The following CRB1 variants were observed in gnomAD, a reference collection of about 807,000 sequenced individuals.
The protein encoded by CRB1 is protein crumbs homolog 1.
In CRB1, 83 loss-of-function variants were observed where a neutral mutation model predicts 120.0. The observed-to-expected ratio is 0.69, with a 90% CI of 0.58 to 0.83. The LOEUF (loss-of-function observed/expected upper bound fraction) is 0.83. Among genes scored for constraint, CRB1 ranks in the 40% least tolerant of loss-of-function variants. The pLI is 0.00. For missense variants in CRB1, 1,699 were observed against 1,687.6 expected (o/e 1.01, Z -0.12); for synonymous variants, 625 against 612.5 (o/e 1.02, Z -0.30).
chr1:197,477,664 TTGGCAGA>T lies in CRB1; in HGVS notation c.4009_4015del (p.Ala1337ThrfsTer2). The stretch of plus-strand genomic sequence containing the variant: ...ATCCCAATGATTTCAATCTTTCCAG[TTGGCAGA>T]TGACTTGATCTCCGACATTTTCACC... On this transcript the variant is annotated frameshift_variant and splice_region_variant, in exon 12 of 12. Transcript: ENST00000367400. LOFTEE classifies it low-confidence loss of function (END_TRUNC). 4 of 1,613,526 alleles carry T rather than the reference TTGGCAGA, an allele frequency of 2.5e-6. No homozygotes were observed. The highest frequency in any genetic ancestry group is 3.4e-6 in the Non-Finnish European group (4 of 1,179,512).
At chr1:197,397,136 A>T (rs967985773) in intron 5 of CRB1, among the ~76,000 whole-genome samples, 2 of 152,154 alleles carry the variant, frequency 1.3e-5, no homozygotes, top group African/African-American at 4.8e-5. Flanking sequence ...AATTTAAATA[A>T]ATACTTCATC....
intron 2 of CRB1, among the ~76,000 whole-genome samples, chr1:197,330,760 C>A (rs1658802841): frequency 6.7e-6 from 1 of 150,198 alleles, no homozygotes; most frequent in African/African-American, 2.5e-5. Flanking sequence ...CCCTATAATT[C>A]TTTCCTATTT....
intron 2 of CRB1, among the ~76,000 whole-genome samples, chr1:197,342,884 GT>G (rs1346770512): frequency 1.3e-5 from 2 of 152,130 alleles, no homozygotes; most frequent in Admixed American, 6.5e-5. Context: ...AAAAATTTAT[GT>G]TCTTTCCACT....
At chr1:197,442,501 G>T in intron 11 of CRB1, 1 of 1,471,818 alleles carries the variant, frequency 6.8e-7, no homozygotes, top group Non-Finnish European at 8.9e-7. Flanking sequence ...CTCTGGGGAA[G>T]AAAAAGGAAA....
At chr1:197,279,248 A>G (rs575005508) in intron 1 of CRB1, among the ~76,000 whole-genome samples, 60 of 151,970 alleles carry the variant, frequency 3.9e-4, no homozygotes, top group African/African-American at 1.2e-3. Context: ...GAGAGGAAAA[A>G]TGAAATGTAA....
At chr1:197,387,917 T>C (rs1391977185) in intron 5 of CRB1, among the ~76,000 whole-genome samples, 1 of 151,910 alleles carries the variant, frequency 6.6e-6, no homozygotes, top group Non-Finnish European at 1.5e-5. Context: ...TCTTCTTTTT[T>C]CCCCAACCTC....
chr1:197,220,994 G>A, the CRB1 span, among the ~76,000 whole-genome samples: 1 of 152,136 alleles, frequency 6.6e-6, no homozygotes, highest in Non-Finnish European at 1.5e-5. Flanking sequence ...TGTGAGAACA[G>A]ACTAATACAA....
chr1:197,366,305 G>A (rs1661074457), intron 5 of CRB1, among the ~76,000 whole-genome samples: 1 of 151,980 alleles, frequency 6.6e-6, no homozygotes, highest in Non-Finnish European at 1.5e-5. Context: ...CATGCTATGT[G>A]TATTTATAGC....
intron 4 of CRB1, among the ~76,000 whole-genome samples, 190 bp downstream of exon 4, chr1:197,347,669 G>T (rs1432182407): frequency 6.6e-6 from 1 of 152,144 alleles, no homozygotes; most frequent in Non-Finnish European, 1.5e-5. Flanking sequence ...TCTGAAGTAG[G>T]TTACCAAGCT....
the CRB1 span, among the ~76,000 whole-genome samples, chr1:197,210,792 AAGAG>A: frequency 6.6e-6 from 1 of 152,118 alleles, no homozygotes; most frequent in Non-Finnish European, 1.5e-5. Context: ...AAGGGCCCAT[AAGAG>A]AGAGTATAGT....
intron 8 of CRB1, among the ~76,000 whole-genome samples, chr1:197,434,169 A>T (rs1413937364): frequency 1.3e-5 from 2 of 152,156 alleles, no homozygotes; most frequent in African/African-American, 2.4e-5. Flanking sequence ...TTTACCAGGT[A>T]AGTAAATCAG....
the CRB1 span, among the ~76,000 whole-genome samples, chr1:197,259,974 C>A: frequency 5.3e-5 from 8 of 150,420 alleles, no homozygotes; most frequent in Admixed American, 4.0e-4. Context: ...CATAGTGAGG[C>A]CCCATGTCTA....
At position 197,422,387 on chromosome 1, in the gene CRB1, C is replaced by T. The variant is rs533875057; in HGVS notation, c.2128+431C>T. ...TGATATCTTGTGCATAGTAAATTCTCGGTAAATATTCATTTCCTTGCTCTC... is the reference window on the plus strand; with the variant it reads ...TGATATCTTGTGCATAGTAAATTCTTGGTAAATATTCATTTCCTTGCTCTC... On this transcript the variant is annotated intron_variant, in intron 6 of 11. Transcript: ENST00000367400. 3.9e-5 allele frequency among the ~76,000 whole-genome samples: 6 copies of T among 152,000 alleles called. No individual in the cohort carries two copies. The East Asian group carries it at 1.2e-3, about 29-fold the overall frequency.
At chr1:197,355,885 T>C (rs1216866406) in intron 4 of CRB1, among the ~76,000 whole-genome samples, 6 of 152,114 alleles carry the variant, frequency 3.9e-5, no homozygotes, top group African/African-American at 1.4e-4. Context: ...GTGGCCAGAG[T>C]GGGTGCCCAG....
intron 1 of CRB1, among the ~76,000 whole-genome samples, chr1:197,317,151 C>G (rs1657902061): frequency 6.6e-6 from 1 of 152,190 alleles, no homozygotes; most frequent in South Asian, 2.1e-4. Flanking sequence ...GGCACGGTGG[C>G]TCACGCCTGT....
intron 11 of CRB1, among the ~76,000 whole-genome samples, chr1:197,453,808 T>C (rs949102303): frequency 2.8e-5 from 4 of 143,252 alleles, no homozygotes; most frequent in Admixed American, 7.3e-5. Flanking sequence ...TTAATAATAA[T>C]ATATTGTTAA....
At chr1:197,441,767 C>T in intron 10 of CRB1, 1 of 208,278 alleles carries the variant, frequency 4.8e-6, no homozygotes, top group Non-Finnish European at 9.5e-6. Flanking sequence ...GTCTGCCCTG[C>T]AGACTCCAGA....
intron 1 of CRB1, among the ~76,000 whole-genome samples, chr1:197,309,052 T>C (rs1657350633): frequency 6.6e-6 from 1 of 151,608 alleles, no homozygotes; most frequent in African/African-American, 2.4e-5. Context: ...TATATATTTA[T>C]GTTACATGTA....
At chr1:197,453,911 ATATTAT>A (rs1666139636) in intron 11 of CRB1, among the ~76,000 whole-genome samples, 1 of 35,840 alleles carries the variant, frequency 2.8e-5, no homozygotes, top group Non-Finnish European at 6.0e-5. Context: ...TTATTAATAT[ATATTAT>A]TGATATTATT....
Sources: gnomAD v4.1 joint callset for allele counts (sites outside exome capture counted in the v4.1 genomes callset) on GRCh38, gnomAD v4.1.1 for gene constraint, MANE v1.5 for transcripts, NCBI Gene and HGNC (gene_info 2026-07-23, HGNC 2026-07-21) for gene names.